The following MAP1LC3C variants were observed in gnomAD, a reference collection of about 807,000 sequenced individuals.
MAP1LC3C encodes the protein microtubule associated protein 1 light chain 3 gamma, also known as microtubule-associated protein 1 light chain 3 gamma.
In MAP1LC3C, 12 loss-of-function variants were observed where a neutral mutation model predicts 10.4. That is an observed-to-expected ratio of 1.15 (90% CI 0.74 to 1.86). The LOEUF is 1.86. Among genes scored for constraint, MAP1LC3C ranks in the 40% most tolerant of loss-of-function variants. The pLI, the probability that MAP1LC3C is intolerant of heterozygous loss-of-function variation, is 0.00. For missense variants in MAP1LC3C, 177 were observed against 185.7 expected (o/e 0.95, Z 0.27); for synonymous variants, 70 against 69.0 (o/e 1.01, Z -0.07).
Position 241,996,320 on chromosome 1 carries a change from C to G in MAP1LC3C, c.287G>C (p.Ser96Thr). ...GATCTCTGCCATGGTTGCGCTCATGCTGACCAGGCTCTTGTTGTTCACCAG... is the reference window on the plus strand; with the variant it reads ...GATCTCTGCCATGGTTGCGCTCATGGTGACCAGGCTCTTGTTGTTCACCAG... Reference protein sequence around the residue: ...YLLVNNKSLVSMSATMAEIYR... With the variant: ...YLLVNNKSLVTMSATMAEIYR... The change falls in exon 4 of 4, where the codon AGC (serine) becomes ACC (threonine). Residue 96 changes from serine (S) to threonine (T), a missense_variant. Ser to Thr is a moderately conservative substitution (Grantham distance 58). Coordinates refer to ENST00000357246, the MANE Select transcript of MAP1LC3C (RefSeq NM_001004343.3). 6.2e-7 allele frequency: 1 copy of G among 1,613,960 alleles called. No homozygotes were observed. The highest frequency in any genetic ancestry group is 1.1e-5 in the South Asian group (1 of 91,070).
At chr1:241,997,576 C>T (rs1665109654) in intron 3 of MAP1LC3C, among the ~76,000 whole-genome samples, 1 of 152,218 alleles carries the variant, frequency 6.6e-6, no homozygotes, top group African/African-American at 2.4e-5. Context: ...AACAGCGATG[C>T]AGCTTCCAAG....
intron 3 of MAP1LC3C, 80 bp from the exon 4 acceptor site, chr1:241,996,465 C>T: frequency 8.7e-7 from 1 of 1,151,196 alleles, no homozygotes; most frequent in Non-Finnish European, 1.3e-6. Flanking sequence ...CTCAAGAAGA[C>T]TGAATTGCTC....
At chr1:242,001,369 T>A (rs2148602425), upstream of MAP1LC3C, among the ~76,000 whole-genome samples, 1 of 152,218 alleles carries the variant, frequency 6.6e-6, no homozygotes, top group South Asian at 2.1e-4. Flanking sequence ...ATCCCAGTAC[T>A]TTAGGAGGCG....
chr1:242,000,642 T>C (rs1301320831), upstream of MAP1LC3C, among the ~76,000 whole-genome samples: 2 of 152,102 alleles, frequency 1.3e-5, no homozygotes, highest in African/African-American at 4.8e-5. Context: ...GGGAAACACT[T>C]TTACCGGCTT....
chr1:241,999,604 C>T (rs1010990972), upstream of MAP1LC3C, among the ~76,000 whole-genome samples: 7 of 152,210 alleles, frequency 4.6e-5, no homozygotes, highest in African/African-American at 1.7e-4. Context: ...GAGGCCGAGG[C>T]GGGTGGATCA....
In MAP1LC3C at chr1:241,998,558, C is replaced by T; in HGVS notation, c.177G>A (p.Leu59=). The stretch of plus-strand genomic sequence containing the variant: ...GGGTCATGGTCAGCTCCTGCGGGAC[C>T]AGGAACTTGGTTTTGTCCAGCGGGG... ...FLPPLDKTKF[L]VPQELTMTQF... Residue 59 remains leucine, a synonymous_variant, in exon 3 of 4, where the codon CTG becomes CTA. Coordinates refer to ENST00000357246, the MANE Select transcript of MAP1LC3C (RefSeq NM_001004343.3). 3.1e-6 allele frequency: 5 copies of T among 1,613,712 alleles called. No individual in the cohort carries two copies. Among genetic ancestry groups the T allele is most frequent in the Non-Finnish European group, 4.2e-6 (5 of 1,179,956 alleles).
Position 241,996,161 on chromosome 1 carries a change from G to A in MAP1LC3C, c.*2C>T, listed in dbSNP as rs760152788. On this transcript the variant is annotated 3_prime_UTR_variant, in exon 4 of 4. Transcript: ENST00000357246. ...CAGAGCACACATCCTTCCCGACATGGGCTAGAGAGGATTGCAGGGTCTGTC... is the reference window on the plus strand; with the variant it reads ...CAGAGCACACATCCTTCCCGACATGAGCTAGAGAGGATTGCAGGGTCTGTC... 5 of 1,612,578 alleles carry A rather than the reference G, an allele frequency of 3.1e-6. No homozygotes were observed. Among genetic ancestry groups the A allele is most frequent in the Non-Finnish European group, 4.2e-6 (5 of 1,179,090 alleles).
In MAP1LC3C at chr1:241,998,669, G is replaced by C. The variant is rs778568160; in HGVS notation, c.115-49C>G. ...GAATGTGACTCAGCGTGAGTGTTAG[G>C]AACTTGGAACAGACAGAGGGAAGCT... On this transcript the variant is annotated intron_variant, in intron 2 of 3. Transcript: ENST00000357246. 8.1e-6 allele frequency: 13 copies of C among 1,608,018 alleles called. No homozygotes were observed. In the East Asian group the frequency reaches 2.2e-4, roughly 28 times the overall value.
In MAP1LC3C at chr1:241,996,175, G is replaced by C. The variant is rs1467533780; in HGVS notation, c.432C>G (p.Cys144Trp). The C allele has an allele frequency of 6.2e-7, 1 of 1,613,656 alleles. No individual in the cohort carries two copies. The highest frequency in any genetic ancestry group is 1.1e-5 in the South Asian group (1 of 91,056). The part of the protein sequence containing the change: ...RDGSSLEDRP[C>W]NPL ...TTCCCGACATGGGCTAGAGAGGATT[G>C]CAGGGTCTGTCCTCAAGGCTGCTCC... The change falls in exon 4 of 4, where the codon TGC (cysteine) becomes TGG (tryptophan). Residue 144 changes from cysteine to tryptophan, a missense_variant. Transcript: ENST00000357246.
chr1:241,999,452 C>G (rs1292060550), upstream of MAP1LC3C, among the ~76,000 whole-genome samples: 1 of 151,912 alleles, frequency 6.6e-6, no homozygotes, highest in Non-Finnish European at 1.5e-5. Flanking sequence ...GGTCCATGCC[C>G]TTTATCACAG....
intron 3 of MAP1LC3C, among the ~76,000 whole-genome samples, chr1:241,997,922 GACTA>G (rs1381356475): frequency 2.0e-5 from 3 of 151,824 alleles, no homozygotes; most frequent in Non-Finnish European, 2.9e-5. Flanking sequence ...TGAGAGCCAA[GACTA>G]ACTACTTTAG....
chr1:242,000,292 A>G (rs941036643), upstream of MAP1LC3C, among the ~76,000 whole-genome samples: 12 of 152,110 alleles, frequency 7.9e-5, no homozygotes, highest in Non-Finnish European at 1.5e-4. Context: ...CCAGGCTGGA[A>G]TGTAGTGGCA....
At position 241,996,394 on chromosome 1, in the gene MAP1LC3C, G is replaced by C. The variant is rs1665086862; in HGVS notation, c.222-9C>G. ...TCAGGACCATGCGGCTCCTGGGATG[G>C]GCAGGAGGGTGGTGAGGGTATGGCC... is the stretch of plus-strand genomic sequence containing the variant. On this transcript the variant is annotated splice_polypyrimidine_tract_variant and intron_variant, in intron 3 of 3. Coordinates refer to ENST00000357246, the MANE Select transcript of MAP1LC3C (RefSeq NM_001004343.3). 1.9e-6 allele frequency: 3 copies of C among 1,612,086 alleles called. No homozygotes were observed. The highest frequency in any genetic ancestry group is 1.3e-5 in the African/African-American group (1 of 74,978).
rs1172885664 is a variant in MAP1LC3C, at chr1:241,998,773, T to C, written c.114+3A>G. 1.9e-6 allele frequency: 3 copies of C among 1,614,006 alleles called. No homozygotes were observed. The highest frequency in any genetic ancestry group is 2.5e-6 in the Non-Finnish European group (3 of 1,180,020). ...CCCCAGCGGAAGTCCAGTGGTGTCTTACCGGGATTTTGTTGGGGAACTTTG... is the reference window on the plus strand; with the variant it reads ...CCCCAGCGGAAGTCCAGTGGTGTCTCACCGGGATTTTGTTGGGGAACTTTG... On this transcript the variant is annotated splice_donor_region_variant and intron_variant, in intron 2 of 3. Coordinates refer to ENST00000357246, the MANE Select transcript of MAP1LC3C (RefSeq NM_001004343.3).
chr1:241,997,241 A>T (rs775327396), intron 3 of MAP1LC3C, among the ~76,000 whole-genome samples: 6 of 152,048 alleles, frequency 3.9e-5, no homozygotes, highest in Admixed American at 1.3e-4. Context: ...TTCCATTCAC[A>T]CTGAACTAAC....
intron 3 of MAP1LC3C, among the ~76,000 whole-genome samples, chr1:241,997,153 G>A (rs960541544): frequency 6.6e-6 from 1 of 151,914 alleles, no homozygotes; most frequent in African/African-American, 2.4e-5. Context: ...CCCTGCCTTG[G>A]CTTCCCAAAG....
chr1:241,998,617 C>T lies in MAP1LC3C; in HGVS notation c.118G>A (p.Val40Ile), dbSNP rs763095833. 3.7e-6 allele frequency: 6 copies of T among 1,610,236 alleles called. No individual in the cohort carries two copies. The highest frequency in any genetic ancestry group is 3.4e-5 in the Admixed American group (2 of 59,474). ...RAKFPNKIPV[V>I]VERYPRETFL... ...GTCTCCCTGGGGTAGCGCTCCACTA[C>T]CACCTGTCAAGAGTGTCAGTCCTTA... The change falls in exon 3 of 4, where the codon GTA (valine) becomes ATA (isoleucine). Residue 40 changes from valine (V) to isoleucine (I), a missense_variant. By Grantham distance (29) the Val-to-Ile change is conservative. Transcript: ENST00000357246.
upstream of MAP1LC3C, chr1:241,999,233 T>A: frequency 2.5e-6 from 1 of 400,304 alleles, no homozygotes; most frequent in Non-Finnish European, 3.4e-6. Context: ...GCCACCTGCT[T>A]GCTGGTCAGA....
chr1:241,998,541 G>T lies in MAP1LC3C; in HGVS notation c.194C>A (p.Thr65Asn). 6.2e-7 allele frequency: 1 copy of T among 1,614,086 alleles called. No individual in the cohort carries two copies. The highest frequency in any genetic ancestry group is 8.5e-7 in the Non-Finnish European group (1 of 1,180,026). ...KTKFLVPQEL[T>N]MTQFLSIIRS... The stretch of plus-strand genomic sequence containing the variant: ...GATGATGCTGAGGAACTGGGTCATG[G>T]TCAGCTCCTGCGGGACCAGGAACTT... The change falls in exon 3 of 4, where the codon ACC becomes AAC. Residue 65 changes from threonine to asparagine, a missense_variant. Thr to Asn is a moderately conservative substitution (Grantham distance 65, BLOSUM62 0). Coordinates refer to ENST00000357246, the MANE Select transcript of MAP1LC3C (RefSeq NM_001004343.3).
Sources: allele counts gnomAD v4.1 joint callset (sites outside exome capture counted in the v4.1 genomes callset), GRCh38; gene constraint gnomAD v4.1.1; transcripts MANE v1.5; gene names NCBI Gene and HGNC (gene_info 2026-07-23, HGNC 2026-07-21).